Variants in CTNNA2 observed in about 807,000 individuals in gnomAD.
CTNNA2 encodes the protein catenin alpha 2.
A neutral mutation model predicts 101.0 loss-of-function variants in CTNNA2; 42 were observed. That is an observed-to-expected ratio of 0.42 (90% CI 0.32 to 0.54). The LOEUF is 0.54. Ranked by LOEUF, CTNNA2 falls within the 20% of genes least tolerant of loss-of-function variation. CTNNA2 has a pLI of 0.14. For synonymous variants in CTNNA2, 450 were observed against 456.4 expected, an observed-to-expected ratio of 0.99 and a Z score of 0.18; for missense variants, 871 against 1,223.1, an observed-to-expected ratio of 0.71 and a Z score of 4.29.
At chr2:80,286,342 A>G (rs1231472227) in intron 7 of CTNNA2, among the ~76,000 whole-genome samples, 1 of 152,074 alleles carries the variant, frequency 6.6e-6, no homozygotes, top group Non-Finnish European at 1.5e-5. Context: ...AGAGGGCCTT[A>G]GGAAACACTA....
Position 80,368,181 on chromosome 2 carries a change from C to A in CTNNA2, c.1057-25030C>A, listed in dbSNP as rs532191768. 1.3e-4 allele frequency among the ~76,000 whole-genome samples: 20 copies of A among 152,262 alleles called. 1 individual carries two copies. The highest frequency in any genetic ancestry group is 4.8e-4 in the African/African-American group (20 of 41,558). On this transcript the variant is annotated intron_variant, in intron 7 of 18. Coordinates refer to ENST00000402739, the MANE Select transcript of CTNNA2 (RefSeq NM_001282597.3). The stretch of plus-strand genomic sequence containing the variant: ...CATTTAAGCTCTGAATTTCTCCCCT[C>A]TCCTGTCTATGTAATCTTTACCATT...
chr2:79,573,601 T>C (rs1287767915), intron 1 of CTNNA2, among the ~76,000 whole-genome samples: 1 of 152,242 alleles, frequency 6.6e-6, no homozygotes, highest in African/African-American at 2.4e-5. Context: ...TCCAATAAAT[T>C]AAACATAGAA....
chr2:79,421,502 C>A (rs758469382), intron 4 of CTNNA2, among the ~76,000 whole-genome samples: 2 of 152,108 alleles, frequency 1.3e-5, no homozygotes, highest in Non-Finnish European at 2.9e-5. Context: ...ACAAGTTAAA[C>A]CATGAGTTTT....
At chr2:80,395,023 A>C (rs1677876415) in intron 8 of CTNNA2, among the ~76,000 whole-genome samples, 1 of 152,270 alleles carries the variant, frequency 6.6e-6, no homozygotes, top group African/African-American at 2.4e-5. Context: ...TCAATCATGG[A>C]CCAATCATGG....
chr2:79,897,512 TCTTTA>T (rs1330497641), intron 6 of CTNNA2, among the ~76,000 whole-genome samples: 3 of 152,162 alleles, frequency 2.0e-5, no homozygotes, highest in Non-Finnish European at 4.4e-5. Flanking sequence ...TGTTCAAATC[TCTTTA>T]CTTATATTAT....
intron 7 of CTNNA2, among the ~76,000 whole-genome samples, chr2:80,334,755 T>C (rs1420025942): frequency 6.6e-6 from 1 of 152,244 alleles, no homozygotes; most frequent in Non-Finnish European, 1.5e-5. Flanking sequence ...ATAATTATAA[T>C]TGAATTGCAA....
At chr2:79,218,647 A>G (rs1674301065) in intron 2 of CTNNA2, among the ~76,000 whole-genome samples, 1 of 152,176 alleles carries the variant, frequency 6.6e-6, no homozygotes, top group South Asian at 2.1e-4. Flanking sequence ...TTCAGGTATT[A>G]AACTACTGTA....
At chr2:80,262,290 T>C (rs1383852206) in intron 7 of CTNNA2, among the ~76,000 whole-genome samples, 1 of 152,186 alleles carries the variant, frequency 6.6e-6, no homozygotes, top group African/African-American at 2.4e-5. Flanking sequence ...ATCTTTCCAT[T>C]TGTTAATATA....
chr2:80,438,285 T>C (rs1682224713), intron 9 of CTNNA2, among the ~76,000 whole-genome samples: 1 of 152,154 alleles, frequency 6.6e-6, no homozygotes, highest in African/African-American at 2.4e-5. Flanking sequence ...CATAGCTCCT[T>C]TGAACTTAAT....
chr2:80,530,334 G>C (rs1186695527), intron 9 of CTNNA2, among the ~76,000 whole-genome samples: 1 of 152,202 alleles, frequency 6.6e-6, no homozygotes, highest in East Asian at 1.9e-4. Flanking sequence ...CTCAGTAGCA[G>C]TTTGTGGCCC....
In CTNNA2 at chr2:79,909,723, C is replaced by A; in HGVS notation, c.982C>A (p.Arg328Ser). 6.2e-7 allele frequency: 1 copy of A among 1,613,874 alleles called. No individual in the cohort carries two copies. The highest frequency in any genetic ancestry group is 8.5e-7 in the Non-Finnish European group (1 of 1,179,888). ...CTCCTCCTGCACGCGAGACGACCGG[C>A]GCGAGAGGATCGTGGCGGAGTGCAA... is the stretch of plus-strand genomic sequence containing the variant. The part of the protein sequence containing the change: ...ADSSCTRDDR[R>S]ERIVAECNAV... Residue 328 changes from arginine to serine, a missense_variant, in exon 7 of 19, where the codon CGC becomes AGC. Coordinates refer to ENST00000402739, the MANE Select transcript of CTNNA2 (RefSeq NM_001282597.3).
intron 1 of CTNNA2, among the ~76,000 whole-genome samples, chr2:79,521,626 A>G (rs1672125658): frequency 6.6e-6 from 1 of 152,128 alleles, no homozygotes; most frequent in South Asian, 2.1e-4. Context: ...TGAACAGAGT[A>G]GCAATTCTTT....
At chr2:80,555,015 G>T (rs1441027547) in intron 11 of CTNNA2, among the ~76,000 whole-genome samples, 2 of 152,112 alleles carry the variant, frequency 1.3e-5, no homozygotes. Context: ...TGAAAGTTAT[G>T]CAGATCTTGA....
intron 3 of CTNNA2, among the ~76,000 whole-genome samples, chr2:79,801,154 A>C (rs1229024025): frequency 6.6e-6 from 1 of 152,182 alleles, no homozygotes; most frequent in Non-Finnish European, 1.5e-5. Flanking sequence ...AATTGTTTTC[A>C]AAAACGTTGA....
chr2:80,131,486 T>A (rs1482794377), intron 7 of CTNNA2, among the ~76,000 whole-genome samples: 1 of 152,230 alleles, frequency 6.6e-6, no homozygotes, highest in Non-Finnish European at 1.5e-5. Flanking sequence ...AATGACGGTA[T>A]AAAATTCTAT....
intron 4 of CTNNA2, among the ~76,000 whole-genome samples, chr2:79,481,354 T>G (rs1671107846): frequency 6.6e-6 from 1 of 152,186 alleles, no homozygotes; most frequent in Non-Finnish European, 1.5e-5. Flanking sequence ...TCTGCCCCTC[T>G]GTCTCCTACT....
intron 7 of CTNNA2, among the ~76,000 whole-genome samples, chr2:80,267,301 A>G (rs1673074983): frequency 6.6e-6 from 1 of 152,246 alleles, no homozygotes; most frequent in Admixed American, 6.5e-5. Context: ...GCATTCAGAG[A>G]ATAGAATAGA....
chr2:80,466,499 A>C (rs943497674), intron 9 of CTNNA2, among the ~76,000 whole-genome samples: 3 of 152,210 alleles, frequency 2.0e-5, no homozygotes, highest in Non-Finnish European at 4.4e-5. Flanking sequence ...CATACCAAAT[A>C]ATTTAAAACT....
intron 7 of CTNNA2, among the ~76,000 whole-genome samples, chr2:79,922,531 T>C (rs553431574): frequency 6.6e-6 from 1 of 152,140 alleles, no homozygotes; most frequent in African/African-American, 2.4e-5. Context: ...ATTGCCTTTT[T>C]TTTTCCACCG....
Sources: allele counts gnomAD v4.1 joint callset (sites outside exome capture counted in the v4.1 genomes callset), GRCh38; gene constraint gnomAD v4.1.1; transcripts MANE v1.5; gene names NCBI Gene and HGNC (gene_info 2026-07-23, HGNC 2026-07-21).